Variants in MACF1 observed in about 807,000 individuals in gnomAD.
The protein encoded by MACF1 is microtubule actin crosslinking factor 1.
Under a neutral mutation model 854.8 loss-of-function variants are expected in MACF1, and 193 were observed. That is an observed-to-expected ratio of 0.23 (90% confidence interval 0.20 to 0.25). MACF1 has a LOEUF of 0.25. MACF1 is among the 10% of genes least tolerant of loss of function. The pLI, the probability that MACF1 is intolerant of heterozygous loss-of-function variation, is 1.00. For synonymous variants in MACF1, 3,185 were observed against 3,226.7 expected (o/e 0.99, Z 0.44); for missense variants, 7,722 against 8,929.1 (o/e 0.86, Z 5.45).
intron 18 of MACF1, among the ~76,000 whole-genome samples, chr1:39,293,877 T>C (rs914404895): frequency 1.3e-5 from 2 of 152,044 alleles, no homozygotes; most frequent in African/African-American, 4.8e-5. Context: ...ATTGAGTCAT[T>C]TCAGAAGCAA....
Position 39,309,658 on chromosome 1 carries a change from A to G in MACF1, c.2878A>G (p.Lys960Glu). The change falls in exon 24 of 101, where the codon AAA becomes GAA. Residue 960 changes from lysine (K) to glutamate (E), a missense_variant. By Grantham distance (56) the Lys-to-Glu change is moderately conservative. Coordinates refer to ENST00000564288, the MANE Select transcript of MACF1 (RefSeq NM_001394062.1). ...CCTTATCTCTTGGAACTATCTGCGT[A>G]AAGACCTTGACCTTGTACAGACCTG... ...KSLISWNYLR[K>E]DLDLVQTWNL... The G allele has an allele frequency of 1.9e-6, 3 of 1,614,194 alleles. No homozygotes were observed. The highest frequency in any genetic ancestry group is 4.5e-5 in the East Asian group (2 of 44,886).
At chr1:39,383,939 A>G (rs1448712282) in intron 56 of MACF1, among the ~76,000 whole-genome samples, 1 of 152,118 alleles carries the variant, frequency 6.6e-6, no homozygotes, top group Admixed American at 6.5e-5. Flanking sequence ...TTAATAGGCT[A>G]TTCTGCTTCT....
At chr1:39,275,589 G>C (rs766061510) in intron 6 of MACF1, among the ~76,000 whole-genome samples, 4 of 152,102 alleles carry the variant, frequency 2.6e-5, no homozygotes, top group Non-Finnish European at 4.4e-5. Context: ...ACCAAGTGTA[G>C]GCGAGGATGA....
chr1:39,358,891 C>T lies in MACF1; in HGVS notation c.12120+18C>T. The T allele has an allele frequency of 3.8e-6, 6 of 1,596,300 alleles. No individual in the cohort carries two copies. The highest frequency in any genetic ancestry group is 5.1e-6 in the Non-Finnish European group (6 of 1,173,876). ...CAACAAAGGTAAGTCAGGACACAGG[C>T]TGTGTTGTGGTGTCAAGACCTTGTA... On this transcript the variant is annotated intron_variant, in intron 46 of 100. Coordinates refer to ENST00000564288, the MANE Select transcript of MACF1 (RefSeq NM_001394062.1).
At chr1:39,459,522 G>A (rs1570158666) in intron 91 of MACF1, among the ~76,000 whole-genome samples, 1 of 152,298 alleles carries the variant, frequency 6.6e-6, no homozygotes, top group East Asian at 1.9e-4. Flanking sequence ...GACCTGATCT[G>A]CCTCAGCATC....
intron 6 of MACF1, among the ~76,000 whole-genome samples, chr1:39,267,521 A>G (rs1645248089): frequency 6.6e-6 from 1 of 152,260 alleles, no homozygotes; most frequent in Non-Finnish European, 1.5e-5. Context: ...GGCGTGAGCC[A>G]CTGCGCCTGG....
At chr1:39,088,751 T>G (rs1290186283) in intron 2 of MACF1, among the ~76,000 whole-genome samples, 1 of 152,138 alleles carries the variant, frequency 6.6e-6, no homozygotes, top group African/African-American at 2.4e-5. Context: ...GGGGAGTATA[T>G]TGAGAACAGG....
rs146206218 is a variant in MACF1, at chr1:39,292,137, C to T, written c.1914+99C>T. 2.7e-4 allele frequency: 366 copies of T among 1,373,916 alleles called. 1 individual carries two copies. In the African/African-American group the frequency reaches 4.4e-3, roughly 17 times the overall value. 85.1% of individuals were successfully genotyped at this position (1,373,916 alleles called of 1,614,324 possible). A position where few individuals can be genotyped will look rare whatever the true frequency, so the allele number is the denominator to read the frequency against. On this transcript the variant is annotated intron_variant, in intron 16 of 100. Transcript: ENST00000564288. ...AGCTGTATTGAAGGAGGAGGGTGCT[C>T]TGGAAAAGAATAATGATGATGAAGA...
At chr1:39,317,463 C>A in intron 29 of MACF1, 56 bp downstream of exon 29, 2 of 1,546,566 alleles carry the variant, frequency 1.3e-6, no homozygotes, top group South Asian at 1.2e-5. Flanking sequence ...AGGTCTTAAA[C>A]AAAAACAGAG....
Position 39,459,130 on chromosome 1 carries a change from TCAC to T in MACF1, c.21242_21244del (p.Ser7081_Gln7082delinsTer). On this transcript the variant is annotated stop_gained and inframe_deletion, in exon 91 of 101. Transcript: ENST00000564288. LOFTEE classifies it high-confidence loss of function. Reference sequence around the variant, plus strand: ...AACCCCTCCTCCCATGCCAATCCTTTCACAGTCTGAAGCAAAAAACCCACGGAT... The same window carrying T: ...AACCCCTCCTCCCATGCCAATCCTTTAGTCTGAAGCAAAAAACCCACGGAT... 6.2e-7 allele frequency: 1 copy of T among 1,614,124 alleles called. No individual in the cohort carries two copies. The highest frequency in any genetic ancestry group is 8.5e-7 in the Non-Finnish European group (1 of 1,180,012).
chr1:39,340,347 T>C (rs1225149827), intron 38 of MACF1, among the ~76,000 whole-genome samples, 155 bp from the exon 39 acceptor site: 18 of 152,176 alleles, frequency 1.2e-4, no homozygotes, highest in Admixed American at 1.2e-3. Context: ...GAATTAGTGA[T>C]TGTGAGAACC....
At chr1:39,466,430 G>A (rs1337147753) in intron 95 of MACF1, among the ~76,000 whole-genome samples, 2 of 152,192 alleles carry the variant, frequency 1.3e-5, no homozygotes, top group Admixed American at 6.5e-5. Context: ...GAGCTTTAGT[G>A]TGAAATTAAG....
chr1:39,432,632 C>T lies in MACF1; in HGVS notation c.17435C>T (p.Thr5812Ile). Residue 5812 changes from threonine to isoleucine, a missense_variant, in exon 67 of 101, where the codon ACA becomes ATA. Physicochemically the swap from Thr to Ile is moderately conservative, Grantham distance 89. Coordinates refer to ENST00000564288, the MANE Select transcript of MACF1 (RefSeq NM_001394062.1). ...ATTCGCCTGGAACAGGACCAGACCA[C>T]AGCTCAGCTTCAGGTACAGAAGGTA... Reference protein sequence around the residue: ...GPIRLEQDQTTAQLQVQKAFS... With the variant: ...GPIRLEQDQTIAQLQVQKAFS... 6.2e-7 allele frequency: 1 copy of T among 1,613,976 alleles called. No homozygotes were observed.
chr1:39,445,970 A>G (rs1644221340), intron 80 of MACF1, among the ~76,000 whole-genome samples: 2 of 152,198 alleles, frequency 1.3e-5, no homozygotes, highest in South Asian at 4.1e-4. Context: ...AAAAAAAGAG[A>G]AAACAATCCT....
At chr1:39,262,860 C>T (rs1305577954) in intron 6 of MACF1, among the ~76,000 whole-genome samples, 3 of 152,188 alleles carry the variant, frequency 2.0e-5, no homozygotes, top group East Asian at 3.9e-4. Context: ...TTTTCTTTGC[C>T]GTTCTGAGGG....
At chr1:39,103,749 T>G (rs921920481) in intron 2 of MACF1, 9 of 152,282 alleles carry the variant, frequency 5.9e-5, no homozygotes, top group Non-Finnish European at 1.3e-4. Flanking sequence ...GGATCCTCCC[T>G]GTCCTCTTTC....
In MACF1 at chr1:39,482,464, G is replaced by C. The variant is rs1012098780; in HGVS notation, c.22281+1434G>C. 1.7e-4 allele frequency among the ~76,000 whole-genome samples: 26 copies of C among 152,322 alleles called. No homozygotes were observed. In the East Asian group the frequency reaches 4.4e-3, roughly 26 times the overall value. On this transcript the variant is annotated intron_variant, in intron 99 of 100. Coordinates refer to ENST00000564288, the MANE Select transcript of MACF1 (RefSeq NM_001394062.1). Reference sequence around the variant, plus strand: ...CATAATTGATTTCAAAGAAAAATTAGAATGGCATGCTGTAGCATGTGGCAT... The same window carrying C: ...CATAATTGATTTCAAAGAAAAATTACAATGGCATGCTGTAGCATGTGGCAT...
intron 1 of MACF1, among the ~76,000 whole-genome samples, chr1:39,209,798 G>C (rs1644494815): frequency 6.6e-6 from 1 of 151,960 alleles, no homozygotes; most frequent in African/African-American, 2.4e-5. Flanking sequence ...AGACTTATAG[G>C]TATCCTAGAG....
intron 85 of MACF1, 106 bp downstream of exon 85, chr1:39,451,317 A>G (rs1644337737): frequency 7.8e-6 from 9 of 1,154,202 alleles, no homozygotes; most frequent in African/African-American, 1.6e-5. Flanking sequence ...TAGGGGAGAA[A>G]GAGAGCCTGA....
Sources: gnomAD v4.1 joint callset for allele counts (sites outside exome capture counted in the v4.1 genomes callset) on GRCh38, gnomAD v4.1.1 for gene constraint, MANE v1.5 for transcripts, NCBI Gene and HGNC (gene_info 2026-07-23, HGNC 2026-07-21) for gene names.